The following PNPT1 variants were observed in gnomAD, a reference collection of about 807,000 sequenced individuals.
PNPT1 encodes the protein polyribonucleotide nucleotidyltransferase 1, mitochondrial.
PNPT1 carries 53 observed loss-of-function variants against 119.5 expected under a neutral mutation model. The ratio of observed to expected loss-of-function variants is 0.44; its 90% CI spans 0.36 to 0.56. The LOEUF is 0.56. Ranked by LOEUF, PNPT1 falls within the 20% of genes least tolerant of loss-of-function variation. The pLI, the probability that PNPT1 is intolerant of heterozygous loss-of-function variation, is 0.00. For synonymous variants in PNPT1, 357 were observed against 322.1 expected, an observed-to-expected ratio of 1.11 and a Z score of -1.16; for missense variants, 948 against 938.5, an observed-to-expected ratio of 1.01 and a Z score of -0.13.
intron 13 of PNPT1, among the ~76,000 whole-genome samples, chr2:55,663,012 G>A (rs1183024514): frequency 6.6e-6 from 1 of 151,798 alleles, no homozygotes; most frequent in Non-Finnish European, 1.5e-5. Flanking sequence ...TCCTGAGTAA[G>A]TAGCTGGGAC....
chr2:55,662,133 A>C, intron 13 of PNPT1, 107 bp from the exon 14 acceptor site: 2 of 900,176 alleles, frequency 2.2e-6, no homozygotes. Flanking sequence ...AGATAAGTAC[A>C]TCCTACACAA....
chr2:55,667,729 T>A (rs1215352975), intron 12 of PNPT1, 133 bp downstream of exon 12: 1 of 1,227,918 alleles, frequency 8.1e-7, no homozygotes, highest in Non-Finnish European at 1.1e-6. Context: ...AGGTGTCCAT[T>A]TATATAGCAA....
Position 55,660,156 on chromosome 2 carries a change from C to A in PNPT1, c.1284+1G>T, listed in dbSNP as rs1456263645. 1 of 1,586,820 alleles carries A rather than the reference C, an allele frequency of 6.3e-7. No individual in the cohort carries two copies. Among genetic ancestry groups the A allele is most frequent in the African/African-American group, 1.4e-5 (1 of 73,740 alleles). ...ATTTTGAGGAAAAAAATTCACCTTA[C>A]CTCGTAGTGCAGCATGAAATTTTTA... On this transcript the variant is annotated splice_donor_variant, in intron 15 of 27. Coordinates refer to ENST00000447944, the MANE Select transcript of PNPT1 (RefSeq NM_033109.5). LOFTEE classifies it high-confidence loss of function.
chr2:55,673,096 GA>G lies in PNPT1; in HGVS notation c.680-18del, dbSNP rs146633902. On this transcript the variant is annotated intron_variant, in intron 8 of 27. Coordinates refer to ENST00000447944, the MANE Select transcript of PNPT1 (RefSeq NM_033109.5). ...CCAACATGACTATTTAAAGGAAAAAGAAAAAAAAAATGACTGCCATCGAAGC... is the reference window on the plus strand; with the variant it reads ...CCAACATGACTATTTAAAGGAAAAAGAAAAAAAAATGACTGCCATCGAAGC... The G allele has an allele frequency of 6.8e-4, 952 of 1,399,542 alleles. No homozygotes were observed. Among genetic ancestry groups the G allele is most frequent in the South Asian group, 1.8e-3 (118 of 66,582 alleles). The allele number at this position is 1,399,542 out of a possible 1,614,324, so 86.7% of individuals were successfully genotyped here.
At chr2:55,658,427 C>T (rs1413038037) in intron 15 of PNPT1, among the ~76,000 whole-genome samples, 1 of 151,944 alleles carries the variant, frequency 6.6e-6, no homozygotes, top group African/African-American at 2.4e-5. Context: ...AGGTGGCTGG[C>T]AATGTTAAAT....
chr2:55,687,619 G>A, intron 2 of PNPT1, 26 bp downstream of exon 2: 2 of 1,532,650 alleles, frequency 1.3e-6, no homozygotes, highest in Non-Finnish European at 1.8e-6. Context: ...TTTTTAAGAT[G>A]AATTTTAAAA....
In PNPT1 at chr2:55,659,840, T is replaced by C. The variant is rs370331963; in HGVS notation, c.1284+317A>G. 7.7e-4 allele frequency among the ~76,000 whole-genome samples: 117 copies of C among 152,322 alleles called. 1 individual carries two copies. The highest frequency in any genetic ancestry group is 2.7e-3 in the African/African-American group (112 of 41,586). On this transcript the variant is annotated intron_variant, in intron 15 of 27. Transcript: ENST00000447944. ...TGGTAAAACCCAGGTAGTGGATATA[T>C]GGATAGTCACTGTAAAGTTCTTTCA...
intron 24 of PNPT1, 22 bp from the exon 25 acceptor site, chr2:55,643,235 T>C (rs769379662): frequency 6.2e-7 from 1 of 1,614,038 alleles, no homozygotes; most frequent in Non-Finnish European, 8.5e-7. Flanking sequence ...AAATAAGCCA[T>C]AAGATTCATA....
chr2:55,660,815 G>C (rs186684417), intron 14 of PNPT1, among the ~76,000 whole-genome samples: 109 of 152,276 alleles, frequency 7.2e-4, no homozygotes, highest in African/African-American at 2.2e-3. Flanking sequence ...TAGAATATAT[G>C]GAGGTACCCT....
intron 4 of PNPT1, 125 bp from the exon 5 acceptor site, chr2:55,683,959 C>T: frequency 1.2e-6 from 1 of 806,142 alleles, no homozygotes; most frequent in Non-Finnish European, 2.0e-6. Flanking sequence ...GACTGATTTA[C>T]TAAGAGGGAC....
At chr2:55,643,496 G>C (rs1333588280) in intron 23 of PNPT1, 71 bp from the exon 24 acceptor site, 2 of 1,318,440 alleles carry the variant, frequency 1.5e-6, no homozygotes, top group Non-Finnish European at 2.2e-6. Flanking sequence ...TGTAATCCCA[G>C]CACTCTGGGG....
At position 55,676,367 on chromosome 2, in the gene PNPT1, C is replaced by T. The variant is rs555550442; in HGVS notation, c.680-3288G>A. ...TTAGCTGAAGCTATAAATTCTAGAC[C>T]CAAAATATCTTCTAAAAACATGTTA... On this transcript the variant is annotated intron_variant, in intron 8 of 27. Transcript: ENST00000447944. Among the ~76,000 whole-genome samples the T allele has an allele frequency of 7.4e-4, 112 of 151,698 alleles. No homozygotes were observed. In the Middle Eastern group the frequency reaches 0.01, roughly 14 times the overall value.
chr2:55,649,152 A>C (rs944141678), intron 18 of PNPT1, among the ~76,000 whole-genome samples: 1 of 152,138 alleles, frequency 6.6e-6, no homozygotes, highest in African/African-American at 2.4e-5. Context: ...ATATATTCAA[A>C]ATTGAGCCAG....
intron 17 of PNPT1, among the ~76,000 whole-genome samples, chr2:55,655,337 G>C (rs1384736309): frequency 6.6e-6 from 1 of 152,052 alleles, no homozygotes; most frequent in South Asian, 2.1e-4. Flanking sequence ...GTTTCACCAA[G>C]TTAGACCCTT....
intron 17 of PNPT1, among the ~76,000 whole-genome samples, chr2:55,655,176 A>T (rs182911067): frequency 3.1e-4 from 47 of 152,356 alleles, no homozygotes; most frequent in African/African-American, 1.1e-3. Context: ...AAGTTAAATC[A>T]ATTAAAATAA....
At chr2:55,658,374 G>T (rs1442704624) in intron 15 of PNPT1, among the ~76,000 whole-genome samples, 1 of 152,116 alleles carries the variant, frequency 6.6e-6, no homozygotes, top group Non-Finnish European at 1.5e-5. Flanking sequence ...TTTAAGAGAC[G>T]ACGGGTATTG....
In PNPT1 at chr2:55,640,826, G is replaced by A. The variant is rs1030254735; in HGVS notation, c.2070-121C>T. 96 of 641,962 alleles carry A rather than the reference G, an allele frequency of 1.5e-4. 1 individual carries two copies. The East Asian group carries it at 2.4e-3, about 16-fold the overall frequency. The allele number at this position is 641,962 out of a possible 1,614,324, so 39.8% of individuals were successfully genotyped here. On this transcript the variant is annotated intron_variant, in intron 25 of 27. Transcript: ENST00000447944. ...AAACGAAAAGAAACAATTCTAGCAC[G>A]TTTTTAGAACTATAAAAAGTATACT...
intron 3 of PNPT1, among the ~76,000 whole-genome samples, chr2:55,685,630 T>A (rs976237894): frequency 3.9e-5 from 6 of 152,222 alleles, no homozygotes; most frequent in Non-Finnish European, 8.8e-5. Context: ...TGCTTTTTTT[T>A]GGTATCAACT....
At position 55,640,672 on chromosome 2, in the gene PNPT1, A is replaced by G. The variant is rs1695807950; in HGVS notation, c.2103T>C (p.Asn701=). The change falls in exon 26 of 28, where the codon AAT becomes AAC. Residue 701 remains asparagine (N), a synonymous_variant. Coordinates refer to ENST00000447944, the MANE Select transcript of PNPT1 (RefSeq NM_033109.5). ...DTGVMVKLYP[N]MTAVLLHNTQ... ...TGTTATGAAGCAGTACCGCAGTCAT[A>G]TTTGGATATAATTTTACCATTACAC... is the stretch of plus-strand genomic sequence containing the variant. 1 of 1,592,562 alleles carries G rather than the reference A, an allele frequency of 6.3e-7. No homozygotes were observed. The highest frequency in any genetic ancestry group is 2.2e-5 in the East Asian group (1 of 44,734).
Sources: gnomAD v4.1 joint callset for allele counts (sites outside exome capture counted in the v4.1 genomes callset) on GRCh38, gnomAD v4.1.1 for gene constraint, MANE v1.5 for transcripts, NCBI Gene and HGNC (gene_info 2026-07-23, HGNC 2026-07-21) for gene names.